Variants in PTPRK observed in about 807,000 individuals in gnomAD.
PTPRK encodes the protein protein tyrosine phosphatase receptor type K, also known as receptor-type tyrosine-protein phosphatase kappa.
Under a neutral mutation model 178.0 loss-of-function variants are expected in PTPRK, and 75 were observed. The observed-to-expected ratio is 0.42, with a 90% CI of 0.35 to 0.51. The LOEUF is 0.51. PTPRK is among the 20% of genes least tolerant of loss of function. The probability of loss-of-function intolerance (pLI) is 0.02; values close to 1 mark genes in which losing one functional copy is unlikely to be tolerated. For missense variants in PTPRK, 1,441 were observed against 1,797.8 expected, an observed-to-expected ratio of 0.80 and a Z score of 3.59; for synonymous variants, 637 against 620.6, an observed-to-expected ratio of 1.03 and a Z score of -0.39.
intron 2 of PTPRK, among the ~76,000 whole-genome samples, chr6:128,340,155 T>C (rs909365914): frequency 3.9e-5 from 6 of 152,100 alleles, no homozygotes; most frequent in Non-Finnish European, 8.8e-5. Context: ...AGCATTGGAG[T>C]TCTCCAGTGG....
intron 3 of PTPRK, among the ~76,000 whole-genome samples, chr6:128,309,207 G>C (rs777840230): frequency 1.3e-5 from 2 of 152,060 alleles, no homozygotes; most frequent in African/African-American, 2.4e-5. Flanking sequence ...TAAAAACTGA[G>C]ACCAACTAAA....
At chr6:128,140,898 A>G (rs1409325259) in intron 7 of PTPRK, among the ~76,000 whole-genome samples, 1 of 152,012 alleles carries the variant, frequency 6.6e-6, no homozygotes, top group Non-Finnish European at 1.5e-5. Context: ...GGAGGACTAC[A>G]GTATTTTGCT....
intron 7 of PTPRK, among the ~76,000 whole-genome samples, chr6:128,159,873 A>G (rs1286585740): frequency 1.3e-5 from 2 of 151,738 alleles, no homozygotes; most frequent in Non-Finnish European, 3.0e-5. Flanking sequence ...GATTTATGGT[A>G]AGATGGCATA....
intron 3 of PTPRK, among the ~76,000 whole-genome samples, chr6:128,250,310 C>A (rs369284087): frequency 7.2e-5 from 11 of 152,234 alleles, no homozygotes; most frequent in African/African-American, 2.6e-4. Context: ...TAGGCTATAG[C>A]CATGAACATA....
At chr6:128,068,744 T>C (rs1782283672) in intron 11 of PTPRK, among the ~76,000 whole-genome samples, 1 of 150,812 alleles carries the variant, frequency 6.6e-6, no homozygotes, top group Non-Finnish European at 1.5e-5. Flanking sequence ...TAATATATTT[T>C]ATACATTATA....
Position 128,520,286 on chromosome 6 carries a change from C to T in PTPRK, c.73G>A (p.Gly25Arg), listed in dbSNP as rs773519076. The T allele has an allele frequency of 6.2e-7, 1 of 1,606,778 alleles. No homozygotes were observed. Among genetic ancestry groups the T allele is most frequent in the South Asian group, 1.1e-5 (1 of 89,748 alleles). ...LLLLSPWPLL[G>R]SAQGQFSAGG... Reference sequence around the variant, plus strand: ...GCGGAGAACTGGCCTTGGGCCGATCCCAGGAGAGGCCAAGGAGAGAGGAGC... The same window carrying T: ...GCGGAGAACTGGCCTTGGGCCGATCTCAGGAGAGGCCAAGGAGAGAGGAGC... The change falls in exon 1 of 30, where the codon GGA becomes AGA. Residue 25 changes from glycine (G) to arginine (R), a missense_variant. By Grantham distance (125) the Gly-to-Arg change is moderately radical. Coordinates refer to ENST00000368226, the MANE Select transcript of PTPRK (RefSeq NM_002844.4).
intron 3 of PTPRK, 145 bp downstream of exon 3, chr6:128,321,894 G>A (rs771586730): frequency 2.0e-6 from 2 of 1,010,380 alleles, no homozygotes; most frequent in Admixed American, 3.9e-5. Flanking sequence ...GTATATCTAT[G>A]TATGACACTT....
intron 2 of PTPRK, among the ~76,000 whole-genome samples, chr6:128,331,569 C>T (rs1016702802): frequency 1.3e-5 from 2 of 152,006 alleles, no homozygotes; most frequent in East Asian, 1.9e-4. Flanking sequence ...TTTGGTTAGA[C>T]GGACATCAGT....
At chr6:127,985,933 C>T (rs1775923571) in intron 21 of PTPRK, 58 bp from the exon 22 acceptor site, 16 of 1,549,840 alleles carry the variant, frequency 1.0e-5, no homozygotes, top group Non-Finnish European at 1.4e-5. Context: ...AAAATAAAGC[C>T]ATTAAACACA....
intron 2 of PTPRK, among the ~76,000 whole-genome samples, chr6:128,373,604 G>A (rs1200041099): frequency 6.6e-6 from 1 of 152,142 alleles, no homozygotes; most frequent in African/African-American, 2.4e-5. Context: ...GATGTTGCTT[G>A]AAATTATCTT....
At chr6:128,272,811 A>G (rs1820072546) in intron 3 of PTPRK, among the ~76,000 whole-genome samples, 1 of 152,174 alleles carries the variant, frequency 6.6e-6, no homozygotes, top group South Asian at 2.1e-4. Flanking sequence ...TGATTCCTCA[A>G]GGATCTAGAA....
intron 13 of PTPRK, among the ~76,000 whole-genome samples, chr6:128,042,432 G>A (rs1777347815): frequency 6.6e-6 from 1 of 151,972 alleles, no homozygotes; most frequent in Non-Finnish European, 1.5e-5. Context: ...ACTCAAGGGA[G>A]ATAATCTGTT....
At chr6:128,456,096 C>T (rs1848351308) in intron 1 of PTPRK, among the ~76,000 whole-genome samples, 1 of 151,968 alleles carries the variant, frequency 6.6e-6, no homozygotes, top group Non-Finnish European at 1.5e-5. Flanking sequence ...ACAGATAAAT[C>T]AAAATGTTAA....
intron 25 of PTPRK, 136 bp downstream of exon 25, chr6:127,980,980 A>T (rs1167152227): frequency 3.6e-6 from 3 of 826,660 alleles, no homozygotes; most frequent in African/African-American, 3.4e-5. Flanking sequence ...TTTCCAAAAA[A>T]ATGTGTTTCA....
chr6:128,416,924 T>C (rs1450123059), intron 1 of PTPRK, among the ~76,000 whole-genome samples: 2 of 149,478 alleles, frequency 1.3e-5, no homozygotes, highest in Non-Finnish European at 3.0e-5. Context: ...TGTTGTGCTA[T>C]ACACATAATT....
chr6:128,368,802 C>G (rs776912340), intron 2 of PTPRK, among the ~76,000 whole-genome samples: 1 of 152,064 alleles, frequency 6.6e-6, no homozygotes, highest in Non-Finnish European at 1.5e-5. Flanking sequence ...ACAGTACTCT[C>G]TAGTTCCAAA....
intron 3 of PTPRK, among the ~76,000 whole-genome samples, chr6:128,280,959 C>T (rs1468627258): frequency 2.0e-5 from 3 of 151,812 alleles, no homozygotes; most frequent in South Asian, 2.1e-4. Flanking sequence ...CCCAGTTAAT[C>T]GAATCAAACT....
chr6:128,147,648 T>C (rs1796682306), intron 7 of PTPRK, among the ~76,000 whole-genome samples: 1 of 152,072 alleles, frequency 6.6e-6, no homozygotes, highest in Admixed American at 6.6e-5. Context: ...GATGTGAGGG[T>C]TGGCCACAGA....
rs563319388 is a variant in PTPRK, at chr6:128,374,600, A to C, written c.223+22966T>G. Among the ~76,000 whole-genome samples, 4 of 152,124 alleles carry C rather than the reference A, an allele frequency of 2.6e-5. No homozygotes were observed. In the East Asian group the frequency reaches 5.8e-4, roughly 22 times the overall value. ...AGAAATCCAATCCGTCAGCAAATTC[A>C]ATTTACCCTAATATTTAATAACCAT... is the stretch of plus-strand genomic sequence containing the variant. On this transcript the variant is annotated intron_variant, in intron 2 of 29. Transcript: ENST00000368226.
Sources: allele counts gnomAD v4.1 joint callset (sites outside exome capture counted in the v4.1 genomes callset), GRCh38; gene constraint gnomAD v4.1.1; transcripts MANE v1.5; gene names NCBI Gene and HGNC (gene_info 2026-07-23, HGNC 2026-07-21).